TTLL11: variants seen among roughly 807,000 people sequenced by gnomAD.
TTLL11 encodes the protein tubulin tyrosine ligase like 11.
TTLL11 carries 42 observed loss-of-function variants against 51.7 expected under a neutral mutation model. That is an observed-to-expected ratio of 0.81 (90% CI 0.64 to 1.05). TTLL11 has a LOEUF of 1.05. TTLL11 is among the 50% of genes least tolerant of loss of function. The pLI, the probability that TTLL11 is intolerant of heterozygous loss-of-function variation, is 0.00. For missense variants in TTLL11, 799 were observed against 940.4 expected, an observed-to-expected ratio of 0.85 and a Z score of 1.97; for synonymous variants, 381 against 383.5, an observed-to-expected ratio of 0.99 and a Z score of 0.08.
intron 6 of TTLL11, among the ~76,000 whole-genome samples, chr9:121,955,048 G>A (rs1841979076): frequency 6.6e-6 from 1 of 152,072 alleles, no homozygotes; most frequent in Non-Finnish European, 1.5e-5. Context: ...TCTCCTATGT[G>A]GTCAGAGCCG....
intron 1 of TTLL11, among the ~76,000 whole-genome samples, chr9:122,041,464 T>C (rs1844843970): frequency 6.6e-6 from 1 of 152,164 alleles, no homozygotes; most frequent in African/African-American, 2.4e-5. Flanking sequence ...GTGTCCACAT[T>C]AGAAAATAAG....
At chr9:121,892,638 C>A (rs1010290443) in intron 6 of TTLL11, among the ~76,000 whole-genome samples, 18 of 152,112 alleles carry the variant, frequency 1.2e-4, no homozygotes, top group African/African-American at 4.3e-4. Context: ...TATCAAGAAC[C>A]TTTTCTGCAA....
At chr9:122,007,749 A>G (rs1843696688) in intron 3 of TTLL11, among the ~76,000 whole-genome samples, 1 of 152,198 alleles carries the variant, frequency 6.6e-6, no homozygotes, top group Non-Finnish European at 1.5e-5. Context: ...CAACATCACA[A>G]TAATAACCGA....
chr9:122,002,597 C>T (rs1843503173), intron 3 of TTLL11, among the ~76,000 whole-genome samples: 1 of 152,140 alleles, frequency 6.6e-6, no homozygotes, highest in African/African-American at 2.4e-5. Context: ...ATGGCAGAGG[C>T]AATGTTTTCC....
chr9:122,055,714 A>C (rs990725351), intron 1 of TTLL11, among the ~76,000 whole-genome samples: 2 of 152,206 alleles, frequency 1.3e-5, no homozygotes, highest in African/African-American at 4.8e-5. Context: ...CAAGCTTTTT[A>C]CCTATGCTGT....
At chr9:121,886,450 G>A (rs1839014404) in intron 6 of TTLL11, among the ~76,000 whole-genome samples, 1 of 152,190 alleles carries the variant, frequency 6.6e-6, no homozygotes. Context: ...ACACAGAGGA[G>A]AAGGCCATGG....
rs1397541299 is a variant in TTLL11, at chr9:121,820,488, C to T, written c.*2099G>A. ...ACAATGGACCATTTAGGAGCCCTGA[C>T]TGCCTTGTCCCATGCCACCAGACCA... is the stretch of plus-strand genomic sequence containing the variant. On this transcript the variant is annotated 3_prime_UTR_variant, in exon 9 of 9. Coordinates refer to ENST00000321582, the MANE Select transcript of TTLL11 (RefSeq NM_001139442.2). Among the ~76,000 whole-genome samples, 2 of 152,172 alleles carry T rather than the reference C, an allele frequency of 1.3e-5. No homozygotes were observed. The highest frequency in any genetic ancestry group is 2.9e-5 in the Non-Finnish European group (2 of 68,040).
At chr9:121,857,263 T>A (rs1177189799) in intron 8 of TTLL11, among the ~76,000 whole-genome samples, 1 of 152,240 alleles carries the variant, frequency 6.6e-6, no homozygotes, top group Non-Finnish European at 1.5e-5. Context: ...ATCCTCCCGC[T>A]GCTGCCGTCC....
intron 6 of TTLL11, among the ~76,000 whole-genome samples, chr9:121,944,010 T>A (rs1052029899): frequency 6.6e-6 from 1 of 152,230 alleles, no homozygotes; most frequent in Non-Finnish European, 1.5e-5. Context: ...AAAACCCAGA[T>A]TAATGGACAT....
intron 1 of TTLL11, among the ~76,000 whole-genome samples, chr9:122,054,105 T>C (rs1366234748): frequency 7.9e-6 from 1 of 126,858 alleles, no homozygotes; most frequent in African/African-American, 3.4e-5. Context: ...GTGCCATTCA[T>C]CCTTCACTGA....
At chr9:121,899,365 G>GTGTGTATATATACATATATA (rs1226221957) in intron 6 of TTLL11, among the ~76,000 whole-genome samples, 34 of 113,204 alleles carry the variant, frequency 3.0e-4, no homozygotes, top group Non-Finnish European at 5.6e-4. Context: ...ATGTGTGTGT[G>GTGTGTATATATACATATATA]TATATATATA....
intron 8 of TTLL11, among the ~76,000 whole-genome samples, chr9:121,844,035 T>TTTTCTAGCC (rs1309338122): frequency 6.6e-6 from 1 of 152,124 alleles, no homozygotes; most frequent in Non-Finnish European, 1.5e-5. Context: ...TAACTCTAGC[T>TTTTCTAGCC]TTTCTAGCCT....
intron 4 of TTLL11, among the ~76,000 whole-genome samples, chr9:121,987,029 G>A (rs1329830752): frequency 2.6e-5 from 4 of 151,940 alleles, no homozygotes; most frequent in Non-Finnish European, 5.9e-5. Flanking sequence ...TGCAGAAGAC[G>A]CCATACTTTA....
rs1839193599 is a variant in TTLL11 at position 121,890,654 on chromosome 9, C to T, written c.1482-19906G>A. On this transcript the variant is annotated intron_variant, in intron 6 of 8. Coordinates refer to ENST00000321582, the MANE Select transcript of TTLL11 (RefSeq NM_001139442.2). The surrounding 1 kb of genome is among the most constrained non-coding windows in gnomAD (Gnocchi z 4.3). ...TTGTTTATTTTCCATCTCCTGTCCT[C>T]TCATCCTCCACCTCCCATCAATAAT... 6.6e-6 allele frequency among the ~76,000 whole-genome samples: 1 copy of T among 152,208 alleles called. No homozygotes were observed. The highest frequency in any genetic ancestry group is 1.5e-5 in the Non-Finnish European group (1 of 68,050).
intron 1 of TTLL11, among the ~76,000 whole-genome samples, chr9:122,091,368 G>C (rs1285858744): frequency 6.6e-6 from 1 of 152,200 alleles, no homozygotes; most frequent in Non-Finnish European, 1.5e-5. Context: ...CTTTAGAACT[G>C]AGAGCCTGCC....
At chr9:121,826,361 A>G (rs1427004718) in intron 8 of TTLL11, among the ~76,000 whole-genome samples, 1 of 127,700 alleles carries the variant, frequency 7.8e-6, no homozygotes, top group Admixed American at 7.8e-5. Context: ...ATATGGTAAA[A>G]CCCATATATA....
intron 6 of TTLL11, among the ~76,000 whole-genome samples, chr9:121,892,132 T>TTATATATATACATA (rs1839265082): frequency 1.4e-5 from 1 of 73,000 alleles, no homozygotes; most frequent in Admixed American, 1.7e-4. Flanking sequence ...CCTTCTACCT[T>TTATATATATACATA]TATATATATA....
chr9:121,974,191 A>G (rs1842644098), intron 5 of TTLL11, 67 bp from the exon 6 acceptor site: 1 of 1,243,544 alleles, frequency 8.0e-7, no homozygotes, highest in Non-Finnish European at 1.1e-6. Context: ...CTATCCAGCT[A>G]GCTCCAGGGG....
chr9:122,013,084 G>A (rs1843861848), intron 3 of TTLL11, among the ~76,000 whole-genome samples: 1 of 152,176 alleles, frequency 6.6e-6, no homozygotes, highest in Non-Finnish European at 1.5e-5. Context: ...TTAGTGAGGG[G>A]ATAGAGTGTG....
Sources: allele counts gnomAD v4.1 joint callset (sites outside exome capture counted in the v4.1 genomes callset), GRCh38; gene constraint gnomAD v4.1.1; non-coding constraint Gnocchi (gnomAD v3.1); transcripts MANE v1.5; gene names NCBI Gene and HGNC (gene_info 2026-07-23, HGNC 2026-07-21).